Variants in ERBB4 observed in about 807,000 individuals in gnomAD.
ERBB4 encodes erb-b2 receptor tyrosine kinase 4, also known as receptor tyrosine-protein kinase erbB-4.
Under a neutral mutation model 158.0 loss-of-function variants are expected in ERBB4, and 42 were observed. That is an observed-to-expected ratio of 0.27 (90% CI 0.21 to 0.34). ERBB4 has a LOEUF of 0.34. ERBB4 is among the 10% of genes least tolerant of loss of function. The pLI is 1.00. For synonymous variants in ERBB4, 583 were observed against 558.7 expected (o/e 1.04, Z -0.61); for missense variants, 1,333 against 1,624.1 (o/e 0.82, Z 3.08).
chr2:212,142,518 A>G (rs1266380417), intron 1 of ERBB4, among the ~76,000 whole-genome samples: 1 of 151,014 alleles, frequency 6.6e-6, no homozygotes. Context: ...ATGCATATAG[A>G]TGAGAAAACA....
At chr2:212,333,689 G>A (rs116415455) in intron 1 of ERBB4, among the ~76,000 whole-genome samples, 993 of 74,714 alleles carry the variant, frequency 0.013, 13 homozygotes, top group African/African-American at 0.051. Context: ...GTGAGATTCT[G>A]TACCAAAAAA....
At chr2:211,455,316 G>A (rs1237626983) in intron 20 of ERBB4, among the ~76,000 whole-genome samples, 1 of 152,190 alleles carries the variant, frequency 6.6e-6, no homozygotes, top group Non-Finnish European at 1.5e-5. Flanking sequence ...TATTTCTGTA[G>A]GGAGTTCAGT....
chr2:211,671,679 A>G (rs1178767923), intron 14 of ERBB4, among the ~76,000 whole-genome samples: 3 of 152,148 alleles, frequency 2.0e-5, no homozygotes, highest in African/African-American at 7.2e-5. Context: ...TTAATTATAC[A>G]TTTTGAAAAG....
chr2:212,195,217 TTTCTC>T (rs2082390438), intron 1 of ERBB4, among the ~76,000 whole-genome samples: 1 of 152,012 alleles, frequency 6.6e-6, no homozygotes, highest in Non-Finnish European at 1.5e-5. Flanking sequence ...TTATTACTCT[TTTCTC>T]TCTCCTTTAA....
At chr2:212,217,242 T>C (rs1374754637) in intron 1 of ERBB4, among the ~76,000 whole-genome samples, 1 of 151,344 alleles carries the variant, frequency 6.6e-6, no homozygotes, top group Non-Finnish European at 1.5e-5. Context: ...TATCTAGCAA[T>C]AAAAGGGTCT....
chr2:211,497,538 T>G (rs10932377), intron 20 of ERBB4, among the ~76,000 whole-genome samples: 1 of 151,918 alleles, frequency 6.6e-6, no homozygotes, highest in East Asian at 1.9e-4. Flanking sequence ...AGGGCATCAC[T>G]TACTTCAACA....
chr2:211,462,219 T>C (rs568214842), intron 20 of ERBB4, among the ~76,000 whole-genome samples: 22 of 151,974 alleles, frequency 1.4e-4, no homozygotes, highest in African/African-American at 5.1e-4. Context: ...GCAGGGGTGC[T>C]ACACACTTTT....
intron 14 of ERBB4, among the ~76,000 whole-genome samples, chr2:211,666,466 T>C (rs918428238): frequency 6.6e-6 from 1 of 152,164 alleles, no homozygotes. Context: ...CTAAAAGTCA[T>C]GACAATATTA....
At chr2:211,681,265 C>T (rs1051343987) in intron 12 of ERBB4, among the ~76,000 whole-genome samples, 5 of 152,064 alleles carry the variant, frequency 3.3e-5, no homozygotes, top group Admixed American at 2.0e-4. Context: ...TATTGACAGA[C>T]ATTTAGACTG....
intron 1 of ERBB4, among the ~76,000 whole-genome samples, chr2:212,259,082 A>G (rs2084842973): frequency 6.6e-6 from 1 of 152,172 alleles, no homozygotes; most frequent in African/African-American, 2.4e-5. Context: ...AATATATCTG[A>G]AATTTTTTTG....
chr2:211,408,622 T>C (rs1485900799), intron 25 of ERBB4, among the ~76,000 whole-genome samples: 3 of 152,222 alleles, frequency 2.0e-5, no homozygotes, highest in Non-Finnish European at 4.4e-5. Context: ...CAGCCAAGTC[T>C]AGTGCTGATA....
chr2:211,571,038 C>CCTCT (rs1437512949), intron 19 of ERBB4, among the ~76,000 whole-genome samples: 24 of 58,760 alleles, frequency 4.1e-4, no homozygotes, highest in African/African-American at 1.8e-3. Context: ...GAGTACTCTT[C>CCTCT]TTCTTTTTTT....
intron 1 of ERBB4, among the ~76,000 whole-genome samples, chr2:212,269,934 G>T (rs919265462): frequency 6.6e-6 from 1 of 151,664 alleles, no homozygotes; most frequent in African/African-American, 2.4e-5. Context: ...CAATATTTCT[G>T]CCTGCTTCCT....
chr2:211,647,419 A>G (rs1321552756), intron 16 of ERBB4, among the ~76,000 whole-genome samples: 1 of 151,664 alleles, frequency 6.6e-6, no homozygotes, highest in Admixed American at 6.6e-5. Flanking sequence ...ATATCTGTAT[A>G]TTAAATTTCC....
intron 2 of ERBB4, among the ~76,000 whole-genome samples, chr2:212,006,047 T>C (rs1199232721): frequency 6.6e-6 from 1 of 152,156 alleles, no homozygotes; most frequent in East Asian, 1.9e-4. Context: ...GCCAACTTAA[T>C]TTAAACCTGT....
intron 1 of ERBB4, among the ~76,000 whole-genome samples, chr2:212,401,676 T>G (rs953879133): frequency 1.3e-5 from 2 of 152,150 alleles, no homozygotes; most frequent in Non-Finnish European, 2.9e-5. Context: ...TTAAACATGA[T>G]GATAAAATTA....
chr2:211,529,640 T>A (rs926266529), intron 20 of ERBB4, among the ~76,000 whole-genome samples: 1 of 152,136 alleles, frequency 6.6e-6, no homozygotes, highest in Non-Finnish European at 1.5e-5. Context: ...ATTGGAAAGA[T>A]AATTCATCAT....
chr2:211,815,453 A>G (rs72948557), intron 3 of ERBB4, among the ~76,000 whole-genome samples: 26 of 152,370 alleles, frequency 1.7e-4, no homozygotes, highest in Non-Finnish European at 3.2e-4. Context: ...GTAAAAAGCA[A>G]TCTATCAAAT....
intron 20 of ERBB4, among the ~76,000 whole-genome samples, chr2:211,522,383 A>G (rs1391204840): frequency 6.6e-6 from 1 of 152,186 alleles, no homozygotes; most frequent in Non-Finnish European, 1.5e-5. Context: ...ATGTGACTGA[A>G]TTGCTGCAAT....
Sources: gnomAD v4.1 joint callset for allele counts (sites outside exome capture counted in the v4.1 genomes callset) on GRCh38, gnomAD v4.1.1 for gene constraint, MANE v1.5 for transcripts, NCBI Gene and HGNC (gene_info 2026-07-23, HGNC 2026-07-21) for gene names.